CTNNA2: variants seen among roughly 807,000 people sequenced by gnomAD.
CTNNA2 encodes catenin alpha-2.
Under a neutral mutation model 101.0 loss-of-function variants are expected in CTNNA2, and 42 were observed. The observed-to-expected ratio is 0.42, with a 90% confidence interval of 0.32 to 0.54. CTNNA2 has a LOEUF of 0.54. CTNNA2 is among the 20% of genes least tolerant of loss of function. The probability of loss-of-function intolerance (pLI) is 0.14; values close to 1 mark genes in which losing one functional copy is unlikely to be tolerated. For synonymous variants in CTNNA2, 450 were observed against 456.4 expected, an observed-to-expected ratio of 0.99 and a Z score of 0.18; for missense variants, 871 against 1,223.1, an observed-to-expected ratio of 0.71 and a Z score of 4.29.
At chr2:80,639,910 G>C (rs987671357) in intron 18 of CTNNA2, among the ~76,000 whole-genome samples, 2 of 152,044 alleles carry the variant, frequency 1.3e-5, no homozygotes, top group Non-Finnish European at 2.9e-5. Context: ...AGACCAGCCT[G>C]ACCAACATGG....
intron 18 of CTNNA2, among the ~76,000 whole-genome samples, chr2:80,625,971 C>A (rs1671643082): frequency 6.6e-6 from 1 of 151,976 alleles, no homozygotes; most frequent in Non-Finnish European, 1.5e-5. Context: ...TAGAAACCTA[C>A]AGAATTTTTT....
intron 2 of CTNNA2, among the ~76,000 whole-genome samples, chr2:79,227,893 T>C (rs1674440975): frequency 6.6e-6 from 1 of 152,180 alleles, no homozygotes; most frequent in Non-Finnish European, 1.5e-5. Flanking sequence ...AAGTGGTTCT[T>C]CAACCCACGG....
At chr2:79,885,414 G>T (rs1385625161) in intron 6 of CTNNA2, among the ~76,000 whole-genome samples, 1 of 152,208 alleles carries the variant, frequency 6.6e-6, no homozygotes, top group Non-Finnish European at 1.5e-5. Context: ...CCATGGCCCA[G>T]AGTTCTGACT....
chr2:80,283,410 C>A (rs1173194877), intron 7 of CTNNA2, among the ~76,000 whole-genome samples: 1 of 151,864 alleles, frequency 6.6e-6, no homozygotes, highest in African/African-American at 2.4e-5. Context: ...ATTGAAATAC[C>A]TTTCTGTACA....
intron 4 of CTNNA2, among the ~76,000 whole-genome samples, chr2:79,411,132 G>A (rs1401040961): frequency 1.3e-5 from 2 of 151,932 alleles, no homozygotes; most frequent in Non-Finnish European, 2.9e-5. Context: ...TATTTCTGTG[G>A]GATCGGTGGT....
intron 3 of CTNNA2, among the ~76,000 whole-genome samples, chr2:79,842,706 G>T (rs4852533): frequency 0.52 from 77,927 of 149,134 alleles, 21,875 homozygotes; most frequent in African/African-American, 0.76. Flanking sequence ...TTGGGTGTGT[G>T]TTTTTTTTTT....
intron 8 of CTNNA2, among the ~76,000 whole-genome samples, chr2:80,399,419 G>A (rs1678351044): frequency 6.6e-6 from 1 of 152,110 alleles, no homozygotes; most frequent in Non-Finnish European, 1.5e-5. Context: ...GCCAGCATAT[G>A]GTTGATTGTT....
chr2:79,286,569 T>G (rs12993563), intron 2 of CTNNA2, among the ~76,000 whole-genome samples: 88,439 of 150,722 alleles, frequency 0.59, 26,191 homozygotes, highest in East Asian at 0.76. Flanking sequence ...TTTAAGAATG[T>G]TGAATATTGG....
intron 3 of CTNNA2, among the ~76,000 whole-genome samples, chr2:79,807,495 C>T (rs1255027739): frequency 6.6e-6 from 1 of 152,062 alleles, no homozygotes; most frequent in Non-Finnish European, 1.5e-5. Flanking sequence ...TAAACTGTTC[C>T]TAGTAAGTGA....
intron 2 of CTNNA2, among the ~76,000 whole-genome samples, chr2:79,726,290 T>C (rs376881773): frequency 1.3e-5 from 2 of 152,166 alleles, no homozygotes; most frequent in African/African-American, 2.4e-5. Context: ...TGTACTATTA[T>C]AGTTTGTGTT....
In CTNNA2 at chr2:79,516,319, A is replaced by G. The variant is rs139470798; in HGVS notation, c.-6+3112A>G. Reference sequence around the variant, plus strand: ...CCAAGACCATATATGATTATGTACTAGAAAGACAGAAGCGCAAGTAAGTAC... The same window carrying G: ...CCAAGACCATATATGATTATGTACTGGAAAGACAGAAGCGCAAGTAAGTAC... On this transcript the variant is annotated intron_variant, in intron 1 of 18. Coordinates refer to ENST00000402739, the MANE Select transcript of CTNNA2 (RefSeq NM_001282597.3). Among the ~76,000 whole-genome samples, 1,212 of 152,326 alleles carry G rather than the reference A, an allele frequency of 8.0e-3. 6 individuals are homozygous for G. The highest frequency in any genetic ancestry group is 0.028 in the African/African-American group (1,146 of 41,576).
intron 9 of CTNNA2, among the ~76,000 whole-genome samples, chr2:80,495,055 G>A (rs1687346307): frequency 6.6e-6 from 1 of 152,184 alleles, no homozygotes; most frequent in South Asian, 2.1e-4. Flanking sequence ...CACCAGGAAT[G>A]ACCCAGAAGT....
intron 7 of CTNNA2, among the ~76,000 whole-genome samples, chr2:80,267,997 T>C (rs1673147298): frequency 6.6e-6 from 1 of 152,244 alleles, no homozygotes; most frequent in South Asian, 2.1e-4. Flanking sequence ...GAACTGACTT[T>C]ATACTTGGAA....
chr2:79,832,297 G>A (rs1051208753), intron 3 of CTNNA2, among the ~76,000 whole-genome samples: 1 of 152,128 alleles, frequency 6.6e-6, no homozygotes, highest in East Asian at 1.9e-4. Flanking sequence ...ATTTCCTATG[G>A]TGAATATTCT....
At chr2:79,790,710 G>A (rs1675205861) in intron 3 of CTNNA2, among the ~76,000 whole-genome samples, 2 of 152,240 alleles carry the variant, frequency 1.3e-5, no homozygotes, top group South Asian at 4.1e-4. Flanking sequence ...CTATCATTCA[G>A]TCTCCTGCTA....
intron 2 of CTNNA2, among the ~76,000 whole-genome samples, chr2:79,653,061 G>C (rs1452283185): frequency 6.6e-6 from 1 of 152,100 alleles, no homozygotes; most frequent in Non-Finnish European, 1.5e-5. Flanking sequence ...TAGGATAACA[G>C]TTACAGACAT....
At chr2:80,233,596 C>A (rs1256440179) in intron 7 of CTNNA2, among the ~76,000 whole-genome samples, 1 of 152,130 alleles carries the variant, frequency 6.6e-6, no homozygotes, top group Non-Finnish European at 1.5e-5. Context: ...ATGTGACAGA[C>A]AGACTAAAAC....
At chr2:80,606,045 A>C (rs1697974541) in intron 16 of CTNNA2, among the ~76,000 whole-genome samples, 1 of 151,826 alleles carries the variant, frequency 6.6e-6, no homozygotes, top group African/African-American at 2.4e-5. Flanking sequence ...TATGCATACA[A>C]AAAAATTACC....
chr2:80,363,190 G>A (rs1674585326), intron 7 of CTNNA2, among the ~76,000 whole-genome samples: 1 of 151,790 alleles, frequency 6.6e-6, no homozygotes, highest in Admixed American at 6.6e-5. Flanking sequence ...AATGAATTTA[G>A]ATATGGTGGA....
Sources: gnomAD v4.1 joint callset for allele counts (sites outside exome capture counted in the v4.1 genomes callset) on GRCh38, gnomAD v4.1.1 for gene constraint, MANE v1.5 for transcripts, NCBI Gene and HGNC (gene_info 2026-07-23, HGNC 2026-07-21) for gene names.